Variants in KIF15 observed in about 807,000 individuals in gnomAD.
KIF15 encodes kinesin-like protein KIF15.
A neutral mutation model predicts 190.6 loss-of-function variants in KIF15; 140 were observed. The ratio of observed to expected loss-of-function variants is 0.73; its 90% CI spans 0.64 to 0.84. The LOEUF (loss-of-function observed/expected upper bound fraction) is 0.84. Ranked by LOEUF, KIF15 falls within the 40% of genes least tolerant of loss-of-function variation. The pLI, the probability that KIF15 is intolerant of heterozygous loss-of-function variation, is 0.00. For missense variants in KIF15, 1,372 were observed against 1,584.4 expected (o/e 0.87, Z 2.28); for synonymous variants, 528 against 551.3 (o/e 0.96, Z 0.59).
Position 44,826,413 on chromosome 3 carries a change from T to C in KIF15, c.2739T>C (p.Asn913=), listed in dbSNP as rs1371080487. The change falls in exon 22 of 35, where the codon AAT becomes AAC. Residue 913 remains asparagine (N), a synonymous_variant. Transcript: ENST00000326047. ...MELLEAEKER[N]NKLSLQFEED... ...TTCTTGAGGCAGAAAAAGAACGCAA[T>C]AACAAATTATCATTACAGTTTGAAG... 6.2e-7 allele frequency: 1 copy of C among 1,613,164 alleles called. No homozygotes were observed.
At chr3:44,789,308 G>A (rs558387294) in intron 7 of KIF15, among the ~76,000 whole-genome samples, 135 of 148,680 alleles carry the variant, frequency 9.1e-4, no homozygotes, top group African/African-American at 3.2e-3. Flanking sequence ...AATTTTTTTT[G>A]ACTCATGAAT....
At chr3:44,813,573 C>T (rs1707892164) in intron 19 of KIF15, among the ~76,000 whole-genome samples, 2 of 151,616 alleles carry the variant, frequency 1.3e-5, no homozygotes, top group South Asian at 4.2e-4. Flanking sequence ...GAGTGCATTA[C>T]CATGCCTGGC....
At chr3:44,862,719 G>A (rs755228823) in intron 6 of KIF15, 1 of 151,966 alleles carries the variant, frequency 6.6e-6, no homozygotes, top group African/African-American at 2.4e-5. Context: ...CTGCTAAGGT[G>A]TATCTCTGCC....
chr3:44,821,809 G>A (rs1440324979), intron 20 of KIF15, among the ~76,000 whole-genome samples: 6 of 152,340 alleles, frequency 3.9e-5, no homozygotes, highest in Admixed American at 6.5e-5. Context: ...CTGAGATCAC[G>A]CCACTGCACT....
chr3:44,861,836 A>AGCGTC, intron 6 of KIF15: 1 of 1,361,594 alleles, frequency 7.3e-7, no homozygotes, highest in Non-Finnish European at 9.9e-7. Context: ...GCGTCACAGG[A>AGCGTC]GCGTCGCGTC....
intron 20 of KIF15, 93 bp from the exon 21 acceptor site, chr3:44,825,946 C>A: frequency 8.9e-7 from 1 of 1,128,874 alleles, no homozygotes; most frequent in Non-Finnish European, 1.3e-6. Context: ...TGGGAATGGG[C>A]TGTAGATGAG....
chr3:44,783,782 T>C (rs184386185), intron 5 of KIF15, among the ~76,000 whole-genome samples: 1 of 152,320 alleles, frequency 6.6e-6, no homozygotes, highest in Admixed American at 6.5e-5. Flanking sequence ...TTAAAATTTA[T>C]TCTCTATTTT....
Position 44,838,351 on chromosome 3 carries a change from C to A in KIF15, c.3248C>A (p.Ser1083Ter). 1 of 1,614,002 alleles carries A rather than the reference C, an allele frequency of 6.2e-7. No individual in the cohort carries two copies. Among genetic ancestry groups the A allele is most frequent in the Non-Finnish European group, 8.5e-7 (1 of 1,179,960 alleles). ...NMLTEASKKH[S>*]GLLQSAQEEL... ...CTCACAGAGGCCTCAAAAAAACACT[C>A]GGGGCTGCTGCAGTCTGCCCAGGAA... The change falls in exon 27 of 35, where the codon TCG becomes TAG. Residue 1083 changes from serine to a stop codon, truncating the protein, a stop_gained. Transcript: ENST00000326047. LOFTEE classifies it high-confidence loss of function.
At chr3:44,823,464 G>A (rs1697468922) in intron 20 of KIF15, among the ~76,000 whole-genome samples, 1 of 152,202 alleles carries the variant, frequency 6.6e-6, no homozygotes, top group Non-Finnish European at 1.5e-5. Flanking sequence ...GCTACACAGA[G>A]GTCAGGGACC....
Position 44,801,882 on chromosome 3 carries a change from C to T in KIF15, c.1417C>T (p.Leu473Phe). The T allele has an allele frequency of 1.2e-6, 2 of 1,613,364 alleles. No individual in the cohort carries two copies. Among genetic ancestry groups the T allele is most frequent in the Non-Finnish European group, 1.7e-6 (2 of 1,179,436 alleles). ...GGATCAAATAATACGCTTGGAAAAG[C>T]TCCACAAGGAATCCCGGGGAGGTTT... ...REDQIIRLEK[L>F]HKESRGGFLP... The change falls in exon 13 of 35, where the codon CTC (leucine) becomes TTC (phenylalanine). Residue 473 changes from leucine (L) to phenylalanine (F), a missense_variant. Coordinates refer to ENST00000326047, the MANE Select transcript of KIF15 (RefSeq NM_020242.3).
chr3:44,840,313 A>AT (rs1698527162), intron 27 of KIF15, 42 bp from the exon 28 acceptor site: 1 of 1,180,700 alleles, frequency 8.5e-7, no homozygotes, highest in Non-Finnish European at 1.2e-6. Context: ...CATGTACCCC[A>AT]TATTACTAAG....
chr3:44,782,985 T>C (rs1311377823), intron 5 of KIF15, among the ~76,000 whole-genome samples: 1 of 152,210 alleles, frequency 6.6e-6, no homozygotes, highest in East Asian at 1.9e-4. Context: ...AAGTGTTCTT[T>C]TTTAAAATAA....
At chr3:44,823,580 T>C (rs1301439596) in intron 20 of KIF15, among the ~76,000 whole-genome samples, 1 of 152,216 alleles carries the variant, frequency 6.6e-6, no homozygotes, top group African/African-American at 2.4e-5. Context: ...CTGCAGAGGT[T>C]TCTGCTGCCT....
chr3:44,796,933 T>G (rs1161528910), intron 8 of KIF15, among the ~76,000 whole-genome samples: 1 of 152,194 alleles, frequency 6.6e-6, no homozygotes, highest in African/African-American at 2.4e-5. Context: ...TTTTTTTCCC[T>G]ATTTTTTTCT....
intron 6 of KIF15, chr3:44,865,291 C>T: frequency 1.4e-6 from 2 of 1,450,718 alleles, no homozygotes; most frequent in Non-Finnish European, 1.9e-6. Context: ...TTCTGACCAT[C>T]AGCCAAGGGA....
chr3:44,847,913 TTTGAAA>T (rs1348193128), intron 30 of KIF15, 66 bp from the exon 31 acceptor site: 1 of 1,113,078 alleles, frequency 9.0e-7, no homozygotes, highest in African/African-American at 1.6e-5. Context: ...TGGATTTGAA[TTTGAAA>T]TTGATACTTG....
At chr3:44,793,945 A>G (rs571703807) in intron 7 of KIF15, among the ~76,000 whole-genome samples, 1 of 150,514 alleles carries the variant, frequency 6.6e-6, no homozygotes, top group East Asian at 2.0e-4. Context: ...CAGTGGCACA[A>G]TCATGGCTCA....
At chr3:44,837,178 C>G (rs6770505) in intron 26 of KIF15, among the ~76,000 whole-genome samples, 147,127 of 152,318 alleles carry the variant, frequency 0.97, 71,261 homozygotes, top group Middle Eastern at 1. Context: ...ATTAAAATAA[C>G]AGCTATTTTC....
chr3:44,775,521 TC>T (rs1212808319), intron 3 of KIF15, 84 bp downstream of exon 3: 10 of 1,007,724 alleles, frequency 9.9e-6, no homozygotes, highest in Non-Finnish European at 1.4e-5. Flanking sequence ...AGTGGCATGA[TC>T]TCGGCTCACT....
Sources: allele counts gnomAD v4.1 joint callset (sites outside exome capture counted in the v4.1 genomes callset), GRCh38; gene constraint gnomAD v4.1.1; transcripts MANE v1.5; gene names NCBI Gene and HGNC (gene_info 2026-07-23, HGNC 2026-07-21).